Variants in HIPK2 observed in about 807,000 individuals in gnomAD.
HIPK2 encodes homeodomain interacting protein kinase 2, also known as homeodomain-interacting protein kinase 2.
HIPK2 carries 27 observed loss-of-function variants against 113.7 expected under a neutral mutation model. The observed-to-expected ratio is 0.24, with a 90% confidence interval of 0.17 to 0.33. The LOEUF (loss-of-function observed/expected upper bound fraction) is 0.33. Ranked by LOEUF, HIPK2 falls within the 10% of genes least tolerant of loss-of-function variation. The pLI is 1.00. For missense variants in HIPK2, 1,257 were observed against 1,588.0 expected, an observed-to-expected ratio of 0.79 and a Z score of 3.54; for synonymous variants, 631 against 642.2, an observed-to-expected ratio of 0.98 and a Z score of 0.26.
chr7:139,621,189 C>A (rs1404868836), intron 6 of HIPK2, among the ~76,000 whole-genome samples: 1 of 152,206 alleles, frequency 6.6e-6, no homozygotes, highest in Admixed American at 6.5e-5. Context: ...TAATACTCTG[C>A]AACCTCTCAC....
At chr7:139,706,591 C>T (rs1385506725) in intron 2 of HIPK2, among the ~76,000 whole-genome samples, 2 of 152,178 alleles carry the variant, frequency 1.3e-5, no homozygotes, top group African/African-American at 4.8e-5. Context: ...TGAGCTCAAC[C>T]TGCTTCTACT....
At chr7:139,776,017 T>C (rs1160837607) in intron 1 of HIPK2, among the ~76,000 whole-genome samples, 1 of 152,004 alleles carries the variant, frequency 6.6e-6, no homozygotes, top group African/African-American at 2.4e-5. Context: ...AAAGAGAAAA[T>C]TGTTTCATTT....
intron 2 of HIPK2, among the ~76,000 whole-genome samples, chr7:139,663,880 G>A (rs986165127): frequency 2.0e-5 from 3 of 152,218 alleles, no homozygotes; most frequent in South Asian, 2.1e-4. Flanking sequence ...CCATAATGCC[G>A]GCCCACGAGT....
At chr7:139,652,557 C>T (rs978700197) in intron 2 of HIPK2, among the ~76,000 whole-genome samples, 1 of 152,172 alleles carries the variant, frequency 6.6e-6, no homozygotes, top group Non-Finnish European at 1.5e-5. Flanking sequence ...ATGCCAGCTA[C>T]GTTTAGAGGG....
rs1798029462 is a variant in HIPK2, at chr7:139,564,276, C to G, written c.*8651G>C. 1 of 223,462 alleles carries G rather than the reference C, an allele frequency of 4.5e-6. No individual in the cohort carries two copies. The highest frequency in any genetic ancestry group is 8.7e-6 in the Non-Finnish European group (1 of 115,234). 13.8% of individuals were successfully genotyped at this position (223,462 alleles called of 1,614,324 possible). ...TGGGAATAGGGGTATATGGTCCTCC[C>G]CTACAAAACGCTGATCAAAATATCA... is the stretch of plus-strand genomic sequence containing the variant. On this transcript the variant is annotated 3_prime_UTR_variant, in exon 15 of 15. Coordinates refer to ENST00000406875, the MANE Select transcript of HIPK2 (RefSeq NM_022740.5).
chr7:139,731,168 C>T (rs903183286), intron 1 of HIPK2, among the ~76,000 whole-genome samples: 7 of 152,226 alleles, frequency 4.6e-5, no homozygotes, highest in African/African-American at 1.7e-4. Flanking sequence ...CATGTCTGTA[C>T]TCAAGCTATG....
At chr7:139,692,222 TA>T (rs1334516843) in intron 2 of HIPK2, among the ~76,000 whole-genome samples, 2 of 152,140 alleles carry the variant, frequency 1.3e-5, no homozygotes, top group Non-Finnish European at 2.9e-5. Flanking sequence ...ATACATTTAA[TA>T]ACATTTGAAG....
intron 14 of HIPK2, among the ~76,000 whole-genome samples, chr7:139,573,767 G>A (rs1223397567): frequency 6.6e-6 from 1 of 151,726 alleles, no homozygotes. Context: ...AGAATCACTT[G>A]AACCTGGGAG....
At chr7:139,647,616 CTA>C (rs1268930481) in intron 2 of HIPK2, among the ~76,000 whole-genome samples, 1 of 151,940 alleles carries the variant, frequency 6.6e-6, no homozygotes, top group Non-Finnish European at 1.5e-5. Context: ...ATCTAGATAT[CTA>C]TATATATGCT....
chr7:139,663,960 G>T (rs1052227180), intron 2 of HIPK2, among the ~76,000 whole-genome samples: 4 of 152,188 alleles, frequency 2.6e-5, no homozygotes, highest in African/African-American at 9.7e-5. Flanking sequence ...CATACAGGGT[G>T]ACCAGGGATC....
intron 1 of HIPK2, among the ~76,000 whole-genome samples, chr7:139,737,685 T>C (rs1320898865): frequency 6.6e-6 from 1 of 152,182 alleles, no homozygotes; most frequent in Non-Finnish European, 1.5e-5. Context: ...CATGAAGTGA[T>C]TCAGAGCTAC....
Position 139,562,736 on chromosome 7 carries a change from T to C in HIPK2, c.*10191A>G, listed in dbSNP as rs1194866817. On this transcript the variant is annotated 3_prime_UTR_variant, in exon 15 of 15. Coordinates refer to ENST00000406875, the MANE Select transcript of HIPK2 (RefSeq NM_022740.5). Reference sequence around the variant, plus strand: ...ACGCCTCAGCCCCATGTGTGCGGAGTGGCCTGGGACACAGCCCATGCACGT... The same window carrying C: ...ACGCCTCAGCCCCATGTGTGCGGAGCGGCCTGGGACACAGCCCATGCACGT... 2 of 152,210 alleles carry C rather than the reference T, an allele frequency of 1.3e-5. No individual in the cohort carries two copies. Among genetic ancestry groups the C allele is most frequent in the Admixed American group, 6.5e-5 (1 of 15,282 alleles). 9.4% of individuals were successfully genotyped at this position (152,210 alleles called of 1,614,324 possible). A position where few individuals can be genotyped will look rare whatever the true frequency, so the allele number is the denominator to read the frequency against.
intron 2 of HIPK2, among the ~76,000 whole-genome samples, chr7:139,648,835 A>T (rs1001079000): frequency 7.9e-5 from 12 of 151,810 alleles, no homozygotes; most frequent in Admixed American, 2.0e-4. Flanking sequence ...GTGTGGACAA[A>T]TATTTGTGTA....
chr7:139,729,281 C>T (rs1795690642), intron 1 of HIPK2, among the ~76,000 whole-genome samples: 1 of 138,892 alleles, frequency 7.2e-6, no homozygotes, highest in Admixed American at 7.5e-5. Context: ...GCTGTGATTG[C>T]AACACTGCAT....
At chr7:139,642,960 GC>G (rs1801079201) in intron 2 of HIPK2, among the ~76,000 whole-genome samples, 1 of 152,146 alleles carries the variant, frequency 6.6e-6, no homozygotes, top group Admixed American at 6.5e-5. Flanking sequence ...CAAAAGGAGA[GC>G]TGGGGGGACA....
chr7:139,736,378 A>T (rs983732969), intron 1 of HIPK2, among the ~76,000 whole-genome samples: 2 of 152,198 alleles, frequency 1.3e-5, no homozygotes, highest in Non-Finnish European at 2.9e-5. Context: ...AGAGGGGCCA[A>T]TGCCCTGAAG....
intron 9 of HIPK2, among the ~76,000 whole-genome samples, chr7:139,609,256 C>A (rs974909123): frequency 4.6e-5 from 7 of 152,144 alleles, no homozygotes; most frequent in African/African-American, 1.7e-4. Context: ...GCTTTTGTTG[C>A]AAGGTGATCC....
At chr7:139,776,458 C>T (rs1299415274) in intron 1 of HIPK2, among the ~76,000 whole-genome samples, 1 of 150,990 alleles carries the variant, frequency 6.6e-6, no homozygotes, top group Non-Finnish European at 1.5e-5. Flanking sequence ...AGAGATAAAA[C>T]TATTAATGCC....
At chr7:139,662,517 G>A (rs75972610) in intron 2 of HIPK2, among the ~76,000 whole-genome samples, 1,676 of 152,150 alleles carry the variant, frequency 0.011, 33 homozygotes, top group African/African-American at 0.038. Flanking sequence ...ATCACATTCA[G>A]GTTGAGTTTA....
Sources: gnomAD v4.1 joint callset for allele counts (sites outside exome capture counted in the v4.1 genomes callset) on GRCh38, gnomAD v4.1.1 for gene constraint, MANE v1.5 for transcripts, NCBI Gene and HGNC (gene_info 2026-07-23, HGNC 2026-07-21) for gene names.